Variants in DOCK1 observed in about 807,000 individuals in gnomAD.
DOCK1 encodes dedicator of cytokinesis 1.
DOCK1 carries 138 observed loss-of-function variants against 262.7 expected under a neutral mutation model. That is an observed-to-expected ratio of 0.53 (90% CI 0.46 to 0.61). The LOEUF (loss-of-function observed/expected upper bound fraction) is 0.61, where lower values mean the gene tolerates loss of function less well. DOCK1 is among the 20% of genes least tolerant of loss of function. DOCK1 has a pLI of 0.00. For synonymous variants in DOCK1, 866 were observed against 867.4 expected (o/e 1.00, Z 0.03); for missense variants, 1,908 against 2,370.7 (o/e 0.80, Z 4.05).
intron 13 of DOCK1, 93 bp downstream of exon 13, chr10:127,018,928 G>A (rs2042206733): frequency 6.5e-7 from 1 of 1,537,324 alleles, no homozygotes. Flanking sequence ...ATGAGCTCTG[G>A]CAAGGAAAGG....
At chr10:127,186,514 CG>C (rs55655010) in intron 27 of DOCK1, among the ~76,000 whole-genome samples, 1,751 of 26,210 alleles carry the variant, frequency 0.067, 386 homozygotes, top group Non-Finnish European at 0.22. Context: ...ACCGCCCCCC[CG>C]CCCCCCCCCG....
intron 27 of DOCK1, among the ~76,000 whole-genome samples, chr10:127,231,240 G>C (rs1393442657): frequency 1.7e-5 from 2 of 115,946 alleles, no homozygotes; most frequent in African/African-American, 6.8e-5. Context: ...TGAATCCAAG[G>C]CTTTTTTTTT....
intron 38 of DOCK1, among the ~76,000 whole-genome samples, chr10:127,388,667 G>T (rs1157485719): frequency 1.3e-5 from 2 of 152,196 alleles, no homozygotes; most frequent in Non-Finnish European, 2.9e-5. Flanking sequence ...CAGATGAACA[G>T]AGGTTCCGCC....
At chr10:126,957,018 C>G (rs1289277213) in intron 1 of DOCK1, among the ~76,000 whole-genome samples, 1 of 152,166 alleles carries the variant, frequency 6.6e-6, no homozygotes, top group African/African-American at 2.4e-5. Context: ...TGGGCTCTCC[C>G]TGGGCACAGG....
chr10:127,417,553 G>A (rs1340046166), intron 44 of DOCK1, among the ~76,000 whole-genome samples: 6 of 152,100 alleles, frequency 3.9e-5, no homozygotes, highest in African/African-American at 7.2e-5. Context: ...TTTTCCTCCC[G>A]ACCCCAGGGG....
intron 38 of DOCK1, chr10:127,402,834 G>A: frequency 7.7e-6 from 5 of 653,296 alleles, no homozygotes; most frequent in South Asian, 7.1e-5. Flanking sequence ...CTGCGTGATT[G>A]ACATGCCAGT....
intron 1 of DOCK1, among the ~76,000 whole-genome samples, chr10:126,944,923 C>T (rs1009579631): frequency 2.2e-4 from 33 of 152,304 alleles, no homozygotes; most frequent in South Asian, 1.9e-3. Flanking sequence ...ACTGCAGCCT[C>T]TGTCTCCCGG....
chr10:127,296,521 A>G (rs759447121), intron 29 of DOCK1, among the ~76,000 whole-genome samples: 2 of 152,322 alleles, frequency 1.3e-5, no homozygotes, highest in Middle Eastern at 3.4e-3. Flanking sequence ...TGCCGTGTGG[A>G]GTGACGGTCA....
At chr10:126,948,631 G>T (rs1413202203) in intron 1 of DOCK1, among the ~76,000 whole-genome samples, 1 of 151,936 alleles carries the variant, frequency 6.6e-6, no homozygotes. Flanking sequence ...AAAGTTTCCC[G>T]ATGTGGGGTT....
At chr10:126,955,820 G>T (rs1416062613) in intron 1 of DOCK1, among the ~76,000 whole-genome samples, 1 of 152,076 alleles carries the variant, frequency 6.6e-6, no homozygotes, top group African/African-American at 2.4e-5. Context: ...ACACTTTTTG[G>T]GTGCTCTCTA....
chr10:127,369,922 C>G (rs1434022585), intron 33 of DOCK1, among the ~76,000 whole-genome samples: 1 of 152,208 alleles, frequency 6.6e-6, no homozygotes, highest in African/African-American at 2.4e-5. Context: ...AGGGACCAGT[C>G]ACTTGTAGGA....
chr10:127,314,321 A>C (rs1207890251), intron 29 of DOCK1, among the ~76,000 whole-genome samples: 2 of 152,192 alleles, frequency 1.3e-5, no homozygotes, highest in African/African-American at 4.8e-5. Context: ...TACACACTGA[A>C]GAAGGGGAAA....
intron 36 of DOCK1, among the ~76,000 whole-genome samples, chr10:127,380,629 T>C (rs1422202377): frequency 1.3e-5 from 2 of 152,200 alleles, no homozygotes; most frequent in African/African-American, 2.4e-5. Flanking sequence ...CTCGCCTTGC[T>C]CCCTGGAGTG....
At chr10:126,924,536 A>G (rs2033525607) in intron 1 of DOCK1, among the ~76,000 whole-genome samples, 1 of 152,216 alleles carries the variant, frequency 6.6e-6, no homozygotes, top group Admixed American at 6.5e-5. Flanking sequence ...AGCCTTAAAA[A>G]AGGCAAACGG....
intron 25 of DOCK1, among the ~76,000 whole-genome samples, chr10:127,121,175 A>G (rs975213289): frequency 3.3e-5 from 5 of 151,956 alleles, no homozygotes; most frequent in Admixed American, 2.0e-4. Flanking sequence ...TGTTTGTTCC[A>G]GAGTATTCAA....
At chr10:127,195,997 C>T (rs928694377) in intron 27 of DOCK1, 5 of 152,170 alleles carry the variant, frequency 3.3e-5, no homozygotes, top group Admixed American at 3.3e-4. Flanking sequence ...CTCCGCTTAC[C>T]TTCCGCTGCT....
intron 29 of DOCK1, among the ~76,000 whole-genome samples, chr10:127,267,881 G>A (rs530150449): frequency 6.6e-6 from 1 of 152,304 alleles, no homozygotes; most frequent in African/African-American, 2.4e-5. Context: ...CTCTGGTGTG[G>A]TGCTTTTACG....
chr10:127,426,091 G>T (rs1382767910), intron 47 of DOCK1, 80 bp downstream of exon 47: 11 of 1,595,672 alleles, frequency 6.9e-6, no homozygotes, highest in Non-Finnish European at 9.4e-6. Flanking sequence ...AGCTTCCAGA[G>T]CAGAGGAACT....
intron 1 of DOCK1, among the ~76,000 whole-genome samples, chr10:126,946,434 C>T (rs1348970571): frequency 4.6e-5 from 7 of 152,110 alleles, no homozygotes; most frequent in Non-Finnish European, 7.4e-5. Context: ...GTAATCCCAG[C>T]TACTTGGGAG....
Sources: allele counts gnomAD v4.1 joint callset (sites outside exome capture counted in the v4.1 genomes callset), GRCh38; gene constraint gnomAD v4.1.1; transcripts MANE v1.5; gene names NCBI Gene and HGNC (gene_info 2026-07-23, HGNC 2026-07-21).